Variants in THSD7A observed in about 807,000 individuals in gnomAD.
THSD7A encodes the protein thrombospondin type-1 domain-containing protein 7A.
A neutral mutation model predicts 231.3 loss-of-function variants in THSD7A; 96 were observed. The ratio of observed to expected loss-of-function variants is 0.41; its 90% CI spans 0.35 to 0.49. The LOEUF is 0.49. THSD7A is among the 20% of genes least tolerant of loss of function. The pLI, the probability that THSD7A is intolerant of heterozygous loss-of-function variation, is 0.05. For synonymous variants in THSD7A, 940 were observed against 743.3 expected (o/e 1.26, Z -4.30); for missense variants, 2,290 against 2,070.2 (o/e 1.11, Z -2.06).
intron 6 of THSD7A, among the ~76,000 whole-genome samples, chr7:11,514,665 A>G (rs1273568290): frequency 6.6e-6 from 1 of 152,158 alleles, no homozygotes; most frequent in Non-Finnish European, 1.5e-5. Flanking sequence ...ATTGCATGCA[A>G]TCTTTAACAT....
chr7:11,409,426 T>C (rs1783704420), intron 19 of THSD7A, among the ~76,000 whole-genome samples: 1 of 152,218 alleles, frequency 6.6e-6, no homozygotes, highest in African/African-American at 2.4e-5. Flanking sequence ...CATTCAAATA[T>C]TGTAGTATTT....
Position 11,447,267 on chromosome 7 carries a change from G to A in THSD7A, c.2763C>T (p.Asp921=). Residue 921 remains aspartate (D), a synonymous_variant, in exon 12 of 28, where the codon GAC becomes GAT. Transcript: ENST00000423059. ...SWSKFSSCNG[D]CGAVRTRKRT... is the part of the protein sequence containing the mutation. ...GCTTTCTGGTCCTAACTGCACCACA[G>A]TCTCCATTGCATGAAGAAAACTTGG... The A allele has an allele frequency of 6.2e-7, 1 of 1,613,084 alleles. No homozygotes were observed. The highest frequency in any genetic ancestry group is 8.5e-7 in the Non-Finnish European group (1 of 1,179,434).
At chr7:11,679,650 A>G (rs1193407119) in intron 1 of THSD7A, among the ~76,000 whole-genome samples, 1 of 152,154 alleles carries the variant, frequency 6.6e-6, no homozygotes, top group Non-Finnish European at 1.5e-5. Context: ...GATGTGAAGG[A>G]CCTCTTCAAG....
chr7:11,671,513 T>C (rs1412561365), intron 1 of THSD7A, among the ~76,000 whole-genome samples: 1 of 152,196 alleles, frequency 6.6e-6, no homozygotes, highest in Non-Finnish European at 1.5e-5. Flanking sequence ...TTATTATTTA[T>C]TGTAATTTGC....
In THSD7A at chr7:11,543,005, T is replaced by C. The variant is rs1789218457; in HGVS notation, c.1566A>G (p.Gly522=). 1 of 1,613,782 alleles carries C rather than the reference T, an allele frequency of 6.2e-7. No individual in the cohort carries two copies. ...ECEVSPWSAW[G]PCTYENCNDQ... ...CATTACAGTTTTCATAAGTACAAGG[T>C]CCCCAAGCTGACCAAGGTGAAACTT... The change falls in exon 5 of 28, where the codon GGA becomes GGG. Residue 522 remains glycine, a synonymous_variant. Coordinates refer to ENST00000423059, the MANE Select transcript of THSD7A (RefSeq NM_015204.3).
At chr7:11,776,469 A>T (rs373469195) in intron 1 of THSD7A, among the ~76,000 whole-genome samples, 2 of 152,228 alleles carry the variant, frequency 1.3e-5, no homozygotes, top group South Asian at 4.1e-4. Context: ...TCTAGTCTCT[A>T]TTCACAACCT....
At chr7:11,571,231 G>A (rs1418707588) in intron 4 of THSD7A, among the ~76,000 whole-genome samples, 1 of 152,122 alleles carries the variant, frequency 6.6e-6, no homozygotes, top group Non-Finnish European at 1.5e-5. Flanking sequence ...AGGCTCTCTG[G>A]AACTGAGGAG....
chr7:11,618,614 C>A (rs1489895563), intron 2 of THSD7A, among the ~76,000 whole-genome samples: 3 of 151,860 alleles, frequency 2.0e-5, no homozygotes, highest in Non-Finnish European at 2.9e-5. Context: ...CTGGCTAACA[C>A]AGGTGAAACC....
chr7:11,544,168 C>A (rs1562703791), intron 4 of THSD7A, among the ~76,000 whole-genome samples: 1 of 151,976 alleles, frequency 6.6e-6, no homozygotes, highest in African/African-American at 2.4e-5. Context: ...ATGGTGAAAC[C>A]CCGTCTCTAC....
chr7:11,521,664 AG>A (rs1788271931), intron 6 of THSD7A, among the ~76,000 whole-genome samples: 1 of 137,012 alleles, frequency 7.3e-6, no homozygotes, highest in South Asian at 2.3e-4. Context: ...ATCTAGCATT[AG>A]GTATATCTCC....
chr7:11,730,724 C>A lies in THSD7A; in HGVS notation c.191-93763G>T, dbSNP rs1003606570. ...ATTGAATCAATGCTCTATTCATCAC[C>A]GGCAGCCTTCTAGGAGTCACCCATT... On this transcript the variant is annotated intron_variant, in intron 1 of 27. Transcript: ENST00000423059. Among the ~76,000 whole-genome samples the A allele has an allele frequency of 1.3e-5, 2 of 151,540 alleles. 1 individual carries two copies. Among genetic ancestry groups the A allele is most frequent in the Non-Finnish European group, 3.0e-5 (2 of 67,682 alleles).
intron 1 of THSD7A, among the ~76,000 whole-genome samples, chr7:11,707,989 C>T (rs1050777298): frequency 6.6e-6 from 1 of 150,724 alleles, no homozygotes; most frequent in African/African-American, 2.4e-5. Context: ...AGCTGAGGAA[C>T]ACTAACATGT....
At chr7:11,387,295 C>T (rs1782787858) in intron 23 of THSD7A, among the ~76,000 whole-genome samples, 3 of 151,980 alleles carry the variant, frequency 2.0e-5, no homozygotes, top group Non-Finnish European at 2.9e-5. Context: ...CTGTAAATTA[C>T]TTTGGGCAGT....
intron 13 of THSD7A, 67 bp from the exon 14 acceptor site, chr7:11,429,192 T>G: frequency 6.9e-7 from 1 of 1,454,684 alleles, no homozygotes; most frequent in Non-Finnish European, 9.2e-7. Flanking sequence ...CCACCCACTA[T>G]TCTAGGTCAT....
intron 1 of THSD7A, among the ~76,000 whole-genome samples, chr7:11,651,195 A>G (rs1338191897): frequency 6.6e-6 from 1 of 152,064 alleles, no homozygotes; most frequent in Non-Finnish European, 1.5e-5. Flanking sequence ...AAGGACAAAT[A>G]CTGTATGATC....
intron 1 of THSD7A, among the ~76,000 whole-genome samples, chr7:11,718,679 C>G (rs1273034416): frequency 6.6e-6 from 1 of 151,518 alleles, no homozygotes; most frequent in African/African-American, 2.4e-5. Context: ...GTATAAGAAA[C>G]TGACCAAATT....
intron 1 of THSD7A, among the ~76,000 whole-genome samples, chr7:11,707,601 G>A (rs1479786420): frequency 1.3e-5 from 2 of 151,032 alleles, no homozygotes; most frequent in South Asian, 4.1e-4. Flanking sequence ...AAAACCATCA[G>A]AGAGTCTAAG....
intron 15 of THSD7A, among the ~76,000 whole-genome samples, chr7:11,426,171 C>T (rs941902733): frequency 4.6e-5 from 7 of 151,884 alleles, no homozygotes; most frequent in Non-Finnish European, 1.0e-4. Flanking sequence ...AACTAAATAG[C>T]ACAGGATAAA....
At chr7:11,808,444 C>G (rs1784450973) in intron 1 of THSD7A, among the ~76,000 whole-genome samples, 1 of 152,116 alleles carries the variant, frequency 6.6e-6, no homozygotes, top group South Asian at 2.1e-4. Context: ...GACTTCCCAG[C>G]CTCCAGAATT....
Sources: allele counts gnomAD v4.1 joint callset (sites outside exome capture counted in the v4.1 genomes callset), GRCh38; gene constraint gnomAD v4.1.1; transcripts MANE v1.5; gene names NCBI Gene and HGNC (gene_info 2026-07-23, HGNC 2026-07-21).